Variants in NELFE observed in about 807,000 individuals in gnomAD.
NELFE encodes the protein negative elongation factor complex member E.
In NELFE, 26 loss-of-function variants were observed where a neutral mutation model predicts 55.5. The ratio of observed to expected loss-of-function variants is 0.47; its 90% CI spans 0.34 to 0.65. NELFE has a LOEUF of 0.65. NELFE is among the 30% of genes least tolerant of loss of function. The probability of loss-of-function intolerance (pLI) is 0.01; values close to 1 mark genes in which losing one functional copy is unlikely to be tolerated. For synonymous variants in NELFE, 162 were observed against 178.0 expected (o/e 0.91, Z 0.72); for missense variants, 403 against 506.9 (o/e 0.80, Z 1.97).
At position 31,958,472 on chromosome 6, in the gene NELFE, C is replaced by T; in HGVS notation, c.-8-18G>A. ...GGTGGCTCCTAGTTCAGGGGCAGGG[C>T]CCAAGACATCTTTCTCCACTGTTAC... On this transcript the variant is annotated intron_variant, in intron 1 of 10. Coordinates refer to ENST00000375429, the MANE Select transcript of NELFE (RefSeq NM_002904.6). 6.2e-7 allele frequency: 1 copy of T among 1,606,008 alleles called. No individual in the cohort carries two copies.
rs1772009470 is a variant in NELFE at position 31,955,271 on chromosome 6, G to C, written c.314C>G (p.Pro105Arg). ...KLKDPEKGPV[P>R]TFQPFQRSIS... ...GCTCCTCTGGAACGGCTGGAAAGTGGGGACTGGTCCCTTCTCGGGGTCCTG... is the reference window on the plus strand; with the variant it reads ...GCTCCTCTGGAACGGCTGGAAAGTGCGGACTGGTCCCTTCTCGGGGTCCTG... Residue 105 changes from proline (P) to arginine (R), a missense_variant, in exon 5 of 11, where the codon CCC becomes CGC. Pro to Arg is a moderately radical substitution (Grantham distance 103). Coordinates refer to ENST00000375429, the MANE Select transcript of NELFE (RefSeq NM_002904.6). 1 of 1,593,134 alleles carries C rather than the reference G, an allele frequency of 6.3e-7. No individual in the cohort carries two copies. Among genetic ancestry groups the C allele is most frequent in the African/African-American group, 1.4e-5 (1 of 73,980 alleles).
chr6:31,956,659 A>T, intron 4 of NELFE, 34 bp downstream of exon 4: 1 of 1,568,872 alleles, frequency 6.4e-7, no homozygotes, highest in Non-Finnish European at 8.7e-7. Flanking sequence ...ACTTGGAGGG[A>T]TGCCCTTTAA....
In NELFE at chr6:31,954,062, G is replaced by C. The variant is rs1347453767; in HGVS notation, c.942+18C>G. ...AACAGCAGAAGCGATGGGAAGAACA[G>C]ATTTGGGAAGTTCCAACCTCAGCAA... On this transcript the variant is annotated intron_variant, in intron 9 of 10. Coordinates refer to ENST00000375429, the MANE Select transcript of NELFE (RefSeq NM_002904.6). This position sits in a 1 kb window ranked among gnomAD's most constrained non-coding sequence, Gnocchi z 5.5. 3 of 1,612,448 alleles carry C rather than the reference G, an allele frequency of 1.9e-6. No homozygotes were observed. Among genetic ancestry groups the C allele is most frequent in the Non-Finnish European group, 2.5e-6 (3 of 1,179,286 alleles).
chr6:31,952,983 A>T (rs1265089926), intron 10 of NELFE, among the ~76,000 whole-genome samples: 1 of 151,858 alleles, frequency 6.6e-6, no homozygotes, highest in Non-Finnish European at 1.5e-5. Context: ...ACCCCATCCA[A>T]TGGTTCCATC....
At chr6:31,958,047 G>A (rs1772198919) in intron 2 of NELFE, among the ~76,000 whole-genome samples, 1 of 152,202 alleles carries the variant, frequency 6.6e-6, no homozygotes, top group African/African-American at 2.4e-5. Flanking sequence ...ATCAAGAATA[G>A]AAAGATGATA....
In NELFE at chr6:31,955,292, T is replaced by C; in HGVS notation, c.293A>G (p.Asp98Gly). The C allele has an allele frequency of 6.4e-7, 1 of 1,568,628 alleles. No homozygotes were observed. The change falls in exon 5 of 11, where the codon GAC becomes GGC. Residue 98 changes from aspartate to glycine, a missense_variant and splice_region_variant. Around this residue, in one of 3 missense-constraint regions of NELFE, gnomAD observed 97 missense variants for 155.3 expected, o/e 0.62. Coordinates refer to ENST00000375429, the MANE Select transcript of NELFE (RefSeq NM_002904.6). ...RSRTLEGKLK[D>G]PEKGPVPTFQ... ...AGTGGGGACTGGTCCCTTCTCGGGG[T>C]CCTGGAGTGGTGAGAGACCTACCTC...
chr6:31,955,455 T>A (rs200708785), intron 4 of NELFE, among the ~76,000 whole-genome samples, 162 bp from the exon 5 acceptor site: 9,336 of 151,122 alleles, frequency 0.062, 315 homozygotes, highest in South Asian at 0.13. Flanking sequence ...CTTATTTTTT[T>A]TTTTTTTTTT....
chr6:31,958,919 C>G lies in NELFE; in HGVS notation c.-36G>C. On this transcript the variant is annotated 5_prime_UTR_variant, in exon 1 of 11. Coordinates refer to ENST00000375429, the MANE Select transcript of NELFE (RefSeq NM_002904.6). ...GAGGGGGCGGCAACCGGGGGCCCCA[C>G]GGTCTCCGGCCGCGCCCGCGCTGGC... 1 of 593,472 alleles carries G rather than the reference C, an allele frequency of 1.7e-6. No individual in the cohort carries two copies. The highest frequency in any genetic ancestry group is 3.0e-6 in the Non-Finnish European group (1 of 334,764). The allele number at this position is 593,472 out of a possible 1,614,324, so 36.8% of individuals were successfully genotyped here. A position where few individuals can be genotyped will look rare whatever the true frequency, so the allele number is the denominator to read the frequency against.
intron 10 of NELFE, 21 bp from the exon 11 acceptor site, chr6:31,952,419 C>T (rs539427278): frequency 3.2e-6 from 5 of 1,563,938 alleles, no homozygotes; most frequent in Non-Finnish European, 4.4e-6. Flanking sequence ...AGGAGAGGAA[C>T]AGTTAAGGTC....
chr6:31,958,261 G>A (rs746083771), intron 2 of NELFE, 111 bp downstream of exon 2: 81 of 941,934 alleles, frequency 8.6e-5, no homozygotes, highest in Non-Finnish European at 1.1e-4. Flanking sequence ...GAGGTGATAT[G>A]TCTCTAGGTA....
chr6:31,953,245 T>C (rs1771873788), intron 10 of NELFE, among the ~76,000 whole-genome samples: 1 of 152,110 alleles, frequency 6.6e-6, no homozygotes, highest in Admixed American at 6.5e-5. Flanking sequence ...CAGTCCTGTT[T>C]CCTAACATAG....
At position 31,953,738 on chromosome 6, in the gene NELFE, C is replaced by T. The variant is rs776106380; in HGVS notation, c.1036G>A (p.Gly346Ser). The change falls in exon 10 of 11, where the codon GGC (glycine) becomes AGC (serine). Residue 346 changes from glycine (G) to serine (S), a missense_variant. Physicochemically the swap from Gly to Ser is moderately conservative, Grantham distance 56. Transcript: ENST00000375429. Reference sequence around the variant, plus strand: ...AGAATCCCATTCTTACCGAGGGAGCCCCAGACAGACTTGCCAGTAGCGGCA... The same window carrying T: ...AGAATCCCATTCTTACCGAGGGAGCTCCAGACAGACTTGCCAGTAGCGGCA... ...LDAATGKSVW[G>S]SLAVQNSPKG... 1.4e-5 allele frequency: 23 copies of T among 1,612,684 alleles called. No homozygotes were observed. The highest frequency in any genetic ancestry group is 1.0e-4 in the Admixed American group (6 of 59,984).
rs1295809566 is a variant in NELFE, at chr6:31,958,909, G to A, written c.-26C>T. 1.0e-5 allele frequency: 6 copies of A among 592,462 alleles called. No homozygotes were observed. The highest frequency in any genetic ancestry group is 6.1e-5 in the South Asian group (3 of 49,060). The allele number at this position is 592,462 out of a possible 1,614,324, so 36.7% of individuals were successfully genotyped here. A position where few individuals can be genotyped will look rare whatever the true frequency, so the allele number is the denominator to read the frequency against. ...GGCCTTACCCGAGGGGGCGGCAACC[G>A]GGGGCCCCACGGTCTCCGGCCGCGC... On this transcript the variant is annotated 5_prime_UTR_variant, in exon 1 of 11. Coordinates refer to ENST00000375429, the MANE Select transcript of NELFE (RefSeq NM_002904.6).
rs748487901 is a variant in NELFE, at chr6:31,956,815, C to T, written c.169G>A (p.Asp57Asn). The T allele has an allele frequency of 1.9e-6, 3 of 1,612,942 alleles. No individual in the cohort carries two copies. The highest frequency in any genetic ancestry group is 1.6e-4 in the Middle Eastern group (1 of 6,084). Residue 57 changes from aspartate (D) to asparagine (N), a missense_variant, in exon 4 of 11, where the codon GAC becomes AAC. By Grantham distance (23) the Asp-to-Asn change is conservative. Transcript: ENST00000375429. ...GCCTGCTCTGTTGCTGTGGCTGTGT[C>T]CATGACAGGCTGCTCTGATAGTGCT... ...KRSLSEQPVM[D>N]TATATEQAKQ...
chr6:31,958,645 T>C (rs1163489136), intron 1 of NELFE, 191 bp from the exon 2 acceptor site: 2 of 704,284 alleles, frequency 2.8e-6, no homozygotes, highest in Non-Finnish European at 5.2e-6. Context: ...TTCCCTCCTG[T>C]CTCCAGGGAT....
chr6:31,954,907 A>G lies in NELFE; in HGVS notation c.405-15T>C. On this transcript the variant is annotated splice_polypyrimidine_tract_variant and intron_variant, in intron 6 of 10. Transcript: ENST00000375429. This position sits in a 1 kb window ranked among gnomAD's most constrained non-coding sequence, Gnocchi z 5.5. ...AAGACACAAAGCTGGGGAGATGCAG[A>G]CTGAAGATCAAAGGGGGGTTTTACC... 6.4e-7 allele frequency: 1 copy of G among 1,571,068 alleles called. No homozygotes were observed. Among genetic ancestry groups the G allele is most frequent in the East Asian group, 2.2e-5 (1 of 44,530 alleles).
intron 1 of NELFE, 154 bp from the exon 2 acceptor site, chr6:31,958,608 G>A: frequency 1.4e-6 from 1 of 718,600 alleles, no homozygotes; most frequent in Non-Finnish European, 2.5e-6. Context: ...TGCTGTCCAA[G>A]CTCCCGCTGG....
In NELFE at chr6:31,954,895, G is replaced by A. The variant is rs368124356; in HGVS notation, c.405-3C>T. ...GTCGATCACTAGAAGACACAAAGCT[G>A]GGGAGATGCAGACTGAAGATCAAAG... is the stretch of plus-strand genomic sequence containing the variant. On this transcript the variant is annotated splice_polypyrimidine_tract_variant and splice_region_variant and intron_variant, in intron 6 of 10. Coordinates refer to ENST00000375429, the MANE Select transcript of NELFE (RefSeq NM_002904.6). This position sits in a 1 kb window ranked among gnomAD's most constrained non-coding sequence, Gnocchi z 5.5. 36 of 1,568,210 alleles carry A rather than the reference G, an allele frequency of 2.3e-5. No individual in the cohort carries two copies. Among genetic ancestry groups the A allele is most frequent in the Non-Finnish European group, 2.8e-5 (33 of 1,158,956 alleles).
chr6:31,952,522 C>A, intron 10 of NELFE, 124 bp from the exon 11 acceptor site: 1 of 646,148 alleles, frequency 1.5e-6, no homozygotes, highest in East Asian at 2.8e-5. Context: ...ACGCTGCCCT[C>A]TGGTGGCCAG....
Sources: gnomAD v4.1 joint callset for allele counts (sites outside exome capture counted in the v4.1 genomes callset) on GRCh38, gnomAD v4.1.1 for gene constraint, gnomAD v4.1.1 regional missense constraint, Gnocchi (gnomAD v3.1) non-coding constraint, MANE v1.5 for transcripts, NCBI Gene and HGNC (gene_info 2026-07-23, HGNC 2026-07-21) for gene names.